Variants in CWC22 observed in about 807,000 individuals in gnomAD.
The protein encoded by CWC22 is CWC22 spliceosome associated protein.
Under a neutral mutation model 117.2 loss-of-function variants are expected in CWC22, and 53 were observed. The ratio of observed to expected loss-of-function variants is 0.45; its 90% CI spans 0.36 to 0.57. The LOEUF (loss-of-function observed/expected upper bound fraction) is 0.57. Ranked by LOEUF, CWC22 falls within the 20% of genes least tolerant of loss-of-function variation. The pLI, the probability that CWC22 is intolerant of heterozygous loss-of-function variation, is 0.00. For missense variants in CWC22, 980 were observed against 1,068.8 expected (o/e 0.92, Z 1.16); for synonymous variants, 360 against 355.6 (o/e 1.01, Z -0.14).
At chr2:179,998,466 C>T (rs756476310) in intron 1 of CWC22, among the ~76,000 whole-genome samples, 11 of 152,052 alleles carry the variant, frequency 7.2e-5, no homozygotes, top group Admixed American at 6.5e-5. Context: ...AATTTGTCCA[C>T]GTAAATTACA....
rs1264883034 is a variant in CWC22, at chr2:179,952,502, G to A, written c.1786C>T (p.Leu596Phe). Residue 596 changes from leucine to phenylalanine, a missense_variant, in exon 17 of 20, where the codon CTT becomes TTT. By Grantham distance (22) the Leu-to-Phe change is conservative. Around this residue, in one of 3 missense-constraint regions of CWC22, gnomAD observed 115 missense variants for 169.8 expected, o/e 0.68. Transcript: ENST00000410053. ...FFQELCEYMG[L>F]PKLNARLKDE... ...TTTAATCTTGCATTAAGTTTAGGAA[G>A]ACCCATGTATTCACACAGTTCCTGG... is the stretch of plus-strand genomic sequence containing the variant. The A allele has an allele frequency of 6.4e-7, 1 of 1,568,788 alleles. No individual in the cohort carries two copies. The highest frequency in any genetic ancestry group is 8.7e-7 in the Non-Finnish European group (1 of 1,156,056).
At chr2:179,993,068 C>A (rs1392117786) in intron 2 of CWC22, among the ~76,000 whole-genome samples, 1 of 152,224 alleles carries the variant, frequency 6.6e-6, no homozygotes, top group Non-Finnish European at 1.5e-5. Flanking sequence ...TGCCCTCTTG[C>A]ACACTAATAC....
At position 179,993,317 on chromosome 2, in the gene CWC22, T is replaced by G. The variant is rs766672146; in HGVS notation, c.25A>C (p.Lys9Gln). The change falls in exon 2 of 20, where the codon AAA (lysine) becomes CAA (glutamine). Residue 9 changes from lysine to glutamine, a missense_variant and splice_region_variant. Lys to Gln is a moderately conservative substitution (Grantham distance 53). This residue lies in a region of CWC22 where 559 missense variants were observed against 602.3 expected (regional missense o/e 0.93). Transcript: ENST00000410053. ...CATTTTAAGTTTCAAACACTTACTT[T>G]TATCTGTGCCACACTACTTTTCATT... MKSSVAQI[K>Q]PSSGHDRREN... 3.2e-6 allele frequency: 5 copies of G among 1,565,178 alleles called. No homozygotes were observed. The Admixed American group carries it at 9.5e-5, about 30-fold the overall frequency.
In CWC22 at chr2:179,954,343, T is replaced by C. The variant is rs781220562; in HGVS notation, c.1551A>G (p.Leu517=). 2 of 1,574,616 alleles carry C rather than the reference T, an allele frequency of 1.3e-6. No individual in the cohort carries two copies. Among genetic ancestry groups the C allele is most frequent in the East Asian group, 2.3e-5 (1 of 44,156 alleles). Residue 517 remains leucine (L), a synonymous_variant, in exon 16 of 20, where the codon CTA becomes CTG. Transcript: ENST00000410053. ...FGLLAGRFCM[L]KKEYMESFEG... ...CAAAGGATTCCATGTACTCTTTCTT[T>C]AGCATGCAAAATCGCTAATAAATAA... is the stretch of plus-strand genomic sequence containing the variant.
chr2:179,952,548 T>C lies in CWC22; in HGVS notation c.1740A>G (p.Arg580=). The part of the protein sequence containing the change: ...LSEETTTSSS[R]IFVKIFFQEL... ...CCTGGAAAAATATTTTGACAAAAATTCTACTGGATGATGTAGTGGTTTCTT... is the reference window on the plus strand; with the variant it reads ...CCTGGAAAAATATTTTGACAAAAATCCTACTGGATGATGTAGTGGTTTCTT... The change falls in exon 17 of 20, where the codon AGA becomes AGG. Residue 580 remains arginine (R), a synonymous_variant. Transcript: ENST00000410053. The C allele has an allele frequency of 1.3e-6, 2 of 1,538,592 alleles. No homozygotes were observed. The highest frequency in any genetic ancestry group is 1.4e-5 in the African/African-American group (1 of 73,076).
intron 13 of CWC22, among the ~76,000 whole-genome samples, chr2:179,963,250 T>C (rs572533223): frequency 5.0e-4 from 75 of 151,108 alleles, no homozygotes; most frequent in African/African-American, 1.6e-3. Flanking sequence ...GACAAACAAA[T>C]GAAAGGTCAA....
rs774391438 is a variant in CWC22 at position 179,945,350 on chromosome 2, G to A, written c.2506C>T (p.His836Tyr). ...TCACTGTCTTTAATTCGGTGTGTAT[G>A]CTTCTCATTTTCAGAAAAAGAATTT... ...RRNSFSENEKHTHRIKDSENF... is the reference protein window; with the variant it reads ...RRNSFSENEKYTHRIKDSENF... Residue 836 changes from histidine (H) to tyrosine (Y), a missense_variant, in exon 20 of 20, where the codon CAT becomes TAT. By Grantham distance (83) the His-to-Tyr change is moderately conservative. Coordinates refer to ENST00000410053, the MANE Select transcript of CWC22 (RefSeq NM_020943.3). The A allele has an allele frequency of 3.3e-5, 53 of 1,612,354 alleles. 1 individual carries two copies. In the South Asian group the frequency reaches 5.5e-4, roughly 17 times the overall value.
intron 11 of CWC22, among the ~76,000 whole-genome samples, chr2:179,966,846 T>G (rs1686903494): frequency 6.6e-6 from 1 of 152,194 alleles, no homozygotes; most frequent in Non-Finnish European, 1.5e-5. Context: ...CAATTCACTT[T>G]AAGAAAAATT....
intron 11 of CWC22, among the ~76,000 whole-genome samples, chr2:179,970,223 T>C (rs1479742994): frequency 4.6e-5 from 7 of 152,182 alleles, no homozygotes; most frequent in African/African-American, 1.2e-4. Context: ...AGGCCACCAC[T>C]AATCTATGAA....
intron 1 of CWC22, among the ~76,000 whole-genome samples, chr2:180,005,092 G>C (rs944567059): frequency 2.0e-5 from 3 of 151,824 alleles, no homozygotes; most frequent in Non-Finnish European, 4.4e-5. Flanking sequence ...AACAGAACTG[G>C]GTGAAGCCCA....
intron 1 of CWC22, among the ~76,000 whole-genome samples, chr2:179,993,667 T>C (rs1041071057): frequency 2.6e-5 from 4 of 151,624 alleles, no homozygotes; most frequent in Admixed American, 2.0e-4. Context: ...AGAGAGCAAA[T>C]AGAAGGTTTT....
intron 2 of CWC22, among the ~76,000 whole-genome samples, chr2:179,992,190 G>T (rs1327649561): frequency 6.6e-6 from 1 of 152,084 alleles, no homozygotes; most frequent in Non-Finnish European, 1.5e-5. Flanking sequence ...TGACTCCAAG[G>T]CCCAAAAAGT....
chr2:179,963,551 C>G (rs951961162), intron 13 of CWC22, among the ~76,000 whole-genome samples: 12 of 151,190 alleles, frequency 7.9e-5, no homozygotes, highest in Non-Finnish European at 1.8e-4. Flanking sequence ...ACCGTGTTAG[C>G]CAGGATGGTC....
At position 179,952,537 on chromosome 2, in the gene CWC22, T is replaced by G. The variant is rs1686478722; in HGVS notation, c.1751A>C (p.Lys584Thr). ...TTCACACAGTTCCTGGAAAAATATTTTGACAAAAATTCTACTGGATGATGT... is the reference window on the plus strand; with the variant it reads ...TTCACACAGTTCCTGGAAAAATATTGTGACAAAAATTCTACTGGATGATGT... ...TTTSSSRIFV[K>T]IFFQELCEYM... Residue 584 changes from lysine (K) to threonine (T), a missense_variant, in exon 17 of 20, where the codon AAA becomes ACA. This residue lies in a region of CWC22 where 115 missense variants were observed against 169.8 expected (regional missense o/e 0.68). Coordinates refer to ENST00000410053, the MANE Select transcript of CWC22 (RefSeq NM_020943.3). 1 of 1,549,684 alleles carries G rather than the reference T, an allele frequency of 6.5e-7. No individual in the cohort carries two copies. The highest frequency in any genetic ancestry group is 8.8e-7 in the Non-Finnish European group (1 of 1,142,602).
At chr2:179,953,457 T>G (rs1400125678) in intron 16 of CWC22, among the ~76,000 whole-genome samples, 2 of 152,094 alleles carry the variant, frequency 1.3e-5, no homozygotes, top group African/African-American at 4.8e-5. Flanking sequence ...AATCTAAGAC[T>G]TTTTATTTTG....
At chr2:179,971,154 T>C in intron 8 of CWC22, 78 bp from the exon 9 acceptor site, 1 of 1,028,410 alleles carries the variant, frequency 9.7e-7, no homozygotes. Flanking sequence ...TTCTAAAAAT[T>C]AGTAAATCTG....
At chr2:179,950,066 G>A (rs567803504) in intron 19 of CWC22, among the ~76,000 whole-genome samples, 1 of 152,276 alleles carries the variant, frequency 6.6e-6, no homozygotes, top group African/African-American at 2.4e-5. Context: ...TGATTTGTGT[G>A]CTAGCTATGA....
chr2:179,955,077 A>C (rs1325724921), intron 14 of CWC22, 43 bp from the exon 15 acceptor site: 1 of 1,324,074 alleles, frequency 7.6e-7, no homozygotes, highest in Non-Finnish European at 1.1e-6. Flanking sequence ...AAACACAAAG[A>C]GACTAAATAT....
chr2:180,001,492 C>T (rs1310162241), intron 1 of CWC22, among the ~76,000 whole-genome samples: 1 of 152,048 alleles, frequency 6.6e-6, no homozygotes, highest in Non-Finnish European at 1.5e-5. Context: ...CCATGCCCAG[C>T]TAATTTTGTG....
Sources: gnomAD v4.1 joint callset for allele counts (sites outside exome capture counted in the v4.1 genomes callset) on GRCh38, gnomAD v4.1.1 for gene constraint, gnomAD v4.1.1 regional missense constraint, MANE v1.5 for transcripts, NCBI Gene and HGNC (gene_info 2026-07-23, HGNC 2026-07-21) for gene names.